PXDNL: variants seen among roughly 807,000 people sequenced by gnomAD.
The protein encoded by PXDNL is peroxidasin like.
Under a neutral mutation model 150.8 loss-of-function variants are expected in PXDNL, and 145 were observed. That is an observed-to-expected ratio of 0.96 (90% CI 0.84 to 1.10). The LOEUF is 1.10. Ranked by LOEUF, PXDNL falls within the 50% of genes least tolerant of loss-of-function variation. PXDNL has a pLI of 0.00. For missense variants in PXDNL, 2,087 were observed against 1,873.9 expected (o/e 1.11, Z -2.10); for synonymous variants, 757 against 725.7 (o/e 1.04, Z -0.69).
chr8:51,652,547 T>C lies in PXDNL; in HGVS notation c.236+2142A>G, dbSNP rs74437526. On this transcript the variant is annotated intron_variant, in intron 2 of 22. Coordinates refer to ENST00000356297, the MANE Select transcript of PXDNL (RefSeq NM_144651.5). The stretch of plus-strand genomic sequence containing the variant: ...CCATCTGTATTCCAGGGAAGTACTT[T>C]TCCTGAATGCTATCATGAGAAACCA... Among the ~76,000 whole-genome samples the C allele has an allele frequency of 1.9e-3, 282 of 152,256 alleles. 1 individual carries two copies. The highest frequency in any genetic ancestry group is 6.4e-3 in the African/African-American group (266 of 41,542).
chr8:51,394,496 G>A (rs941337835), intron 17 of PXDNL, among the ~76,000 whole-genome samples: 1 of 152,122 alleles, frequency 6.6e-6, no homozygotes, highest in Non-Finnish European at 1.5e-5. Context: ...TTCTTCAATC[G>A]TGCTTTGATT....
At chr8:51,581,541 A>C (rs1813213771) in intron 3 of PXDNL, among the ~76,000 whole-genome samples, 1 of 148,926 alleles carries the variant, frequency 6.7e-6, no homozygotes, top group African/African-American at 2.6e-5. Flanking sequence ...TAAATTAGAA[A>C]ATAAAACATA....
intron 13 of PXDNL, among the ~76,000 whole-genome samples, chr8:51,424,165 C>G (rs778437835): frequency 6.6e-6 from 1 of 151,988 alleles, no homozygotes; most frequent in Non-Finnish European, 1.5e-5. Flanking sequence ...GAGTTCAAGA[C>G]CAGCCTGGGT....
intron 13 of PXDNL, 101 bp from the exon 14 acceptor site, chr8:51,423,832 T>G: frequency 9.5e-7 from 1 of 1,049,694 alleles, no homozygotes; most frequent in Non-Finnish European, 1.3e-6. Flanking sequence ...CAGATATCTA[T>G]TGCACGTTTG....
chr8:51,508,032 G>T (rs945289328), intron 4 of PXDNL, among the ~76,000 whole-genome samples: 9 of 152,124 alleles, frequency 5.9e-5, no homozygotes, highest in Non-Finnish European at 5.9e-5. Flanking sequence ...ACTATTAAAG[G>T]GGTGCCAAAT....
At chr8:51,388,270 A>G (rs1316970613) in intron 17 of PXDNL, among the ~76,000 whole-genome samples, 1 of 152,226 alleles carries the variant, frequency 6.6e-6, no homozygotes, top group Non-Finnish European at 1.5e-5. Flanking sequence ...CTATCTTTAT[A>G]AAAACACAAA....
chr8:51,507,504 A>G (rs888979874), intron 4 of PXDNL, among the ~76,000 whole-genome samples: 1 of 152,230 alleles, frequency 6.6e-6, no homozygotes, highest in African/African-American at 2.4e-5. Context: ...TTTGTGCTCA[A>G]CAAGGTGATT....
chr8:51,561,143 G>A (rs1812707384), intron 3 of PXDNL, among the ~76,000 whole-genome samples: 1 of 151,920 alleles, frequency 6.6e-6, no homozygotes, highest in South Asian at 2.1e-4. Context: ...TAAGAATCCT[G>A]TACACTGTTG....
intron 1 of PXDNL, among the ~76,000 whole-genome samples, chr8:51,789,670 A>G (rs1204563497): frequency 1.3e-5 from 2 of 152,182 alleles, no homozygotes; most frequent in African/African-American, 2.4e-5. Flanking sequence ...ATTATCTTCT[A>G]TTTTGCACTC....
At chr8:51,488,571 G>A (rs1029796987) in intron 5 of PXDNL, among the ~76,000 whole-genome samples, 2 of 152,172 alleles carry the variant, frequency 1.3e-5, no homozygotes, top group Non-Finnish European at 2.9e-5. Context: ...CGGAATTTTT[G>A]TGGAGCTGAA....
At chr8:51,356,255 G>A (rs1235352976) in intron 19 of PXDNL, among the ~76,000 whole-genome samples, 4 of 152,190 alleles carry the variant, frequency 2.6e-5, no homozygotes, top group African/African-American at 7.2e-5. Flanking sequence ...TTGGGAGGCC[G>A]AGGAGGGCAG....
chr8:51,599,859 G>A (rs1020509191), intron 2 of PXDNL, among the ~76,000 whole-genome samples: 6 of 116,736 alleles, frequency 5.1e-5, no homozygotes, highest in African/African-American at 2.1e-4. Flanking sequence ...TTATATAAAT[G>A]ACATCGTTTA....
chr8:51,409,151 G>T lies in PXDNL; in HGVS notation c.2473C>A (p.Arg825Ser). 1 of 1,603,158 alleles carries T rather than the reference G, an allele frequency of 6.2e-7. No homozygotes were observed. The highest frequency in any genetic ancestry group is 8.5e-7 in the Non-Finnish European group (1 of 1,178,174). ...CTGCACGGCCGCCCATCCGAGAAGC[G>T]GGCTGTGCTCAGCGCAGGCACTGTG... is the stretch of plus-strand genomic sequence containing the variant. ...DHTVPALSTARFSDGRPCSSV... is the reference protein window; with the variant it reads ...DHTVPALSTASFSDGRPCSSV... The change falls in exon 17 of 23, where the codon CGC becomes AGC. Residue 825 changes from arginine (R) to serine (S), a missense_variant. Physicochemically the swap from Arg to Ser is moderately radical, Grantham distance 110. Transcript: ENST00000356297.
At chr8:51,744,793 GAGAA>G (rs1481937998) in intron 1 of PXDNL, among the ~76,000 whole-genome samples, 31 of 142,930 alleles carry the variant, frequency 2.2e-4, no homozygotes, top group Non-Finnish European at 3.2e-4. Context: ...GAGAGAAAAA[GAGAA>G]AGAGAGAGAA....
At chr8:51,339,434 G>A (rs376508397) in intron 21 of PXDNL, among the ~76,000 whole-genome samples, 190 bp downstream of exon 21, 4 of 152,018 alleles carry the variant, frequency 2.6e-5, no homozygotes, top group Admixed American at 6.6e-5. Flanking sequence ...CATTCCATCC[G>A]GCCGACAGAA....
At chr8:51,590,533 C>T (rs1261857189) in intron 3 of PXDNL, among the ~76,000 whole-genome samples, 2 of 152,184 alleles carry the variant, frequency 1.3e-5, no homozygotes, top group Non-Finnish European at 2.9e-5. Context: ...GACCCAAATT[C>T]CCCATGTCCA....
chr8:51,507,910 C>T (rs1433065977), intron 4 of PXDNL, among the ~76,000 whole-genome samples: 3 of 152,182 alleles, frequency 2.0e-5, no homozygotes, highest in African/African-American at 2.4e-5. Flanking sequence ...CTACAGCCTG[C>T]TTTATTTTCT....
intron 5 of PXDNL, among the ~76,000 whole-genome samples, chr8:51,493,744 AGAAAT>A (rs1376990245): frequency 5.9e-5 from 9 of 152,244 alleles, no homozygotes; most frequent in African/African-American, 2.2e-4. Flanking sequence ...AAGAATAAAA[AGAAAT>A]GAACAAAGCC....
intron 21 of PXDNL, among the ~76,000 whole-genome samples, chr8:51,330,590 T>C (rs1186631100): frequency 1.3e-5 from 2 of 152,116 alleles, no homozygotes; most frequent in African/African-American, 2.4e-5. Flanking sequence ...GCCAGCAGGG[T>C]TGATTTCTTC....
Sources: allele counts gnomAD v4.1 joint callset (sites outside exome capture counted in the v4.1 genomes callset), GRCh38; gene constraint gnomAD v4.1.1; transcripts MANE v1.5; gene names NCBI Gene and HGNC (gene_info 2026-07-23, HGNC 2026-07-21).